EIF3L: variants seen among roughly 807,000 people sequenced by gnomAD.
EIF3L encodes the protein eIEF associated protein HSPC021.
Under a neutral mutation model 74.6 loss-of-function variants are expected in EIF3L, and 32 were observed. The observed-to-expected ratio is 0.43, with a 90% CI of 0.32 to 0.58. The LOEUF (loss-of-function observed/expected upper bound fraction) is 0.58, where lower values mean the gene tolerates loss of function less well. EIF3L is among the 20% of genes least tolerant of loss of function. EIF3L has a pLI of 0.06. For synonymous variants in EIF3L, 256 were observed against 254.4 expected, an observed-to-expected ratio of 1.01 and a Z score of -0.06; for missense variants, 474 against 707.8, an observed-to-expected ratio of 0.67 and a Z score of 3.75.
At chr22:37,854,971 T>C (rs1226527852) in intron 3 of EIF3L, among the ~76,000 whole-genome samples, 1 of 151,946 alleles carries the variant, frequency 6.6e-6, no homozygotes, top group African/African-American at 2.4e-5. Context: ...AACTTGAGCA[T>C]GTTTATATGT....
At chr22:37,856,052 T>A (rs540531132) in intron 4 of EIF3L, among the ~76,000 whole-genome samples, 67 of 146,458 alleles carry the variant, frequency 4.6e-4, no homozygotes, top group African/African-American at 1.7e-3. Context: ...TTATTTATTT[T>A]ATTTTATTAT....
At chr22:37,874,103 T>C (rs1926620277) in intron 8 of EIF3L, among the ~76,000 whole-genome samples, 1 of 152,138 alleles carries the variant, frequency 6.6e-6, no homozygotes, top group African/African-American at 2.4e-5. Context: ...TGTATTTTAC[T>C]GATGAGAGGG....
chr22:37,868,882 T>C (rs1439331653), intron 7 of EIF3L, among the ~76,000 whole-genome samples: 1 of 151,818 alleles, frequency 6.6e-6, no homozygotes, highest in Non-Finnish European at 1.5e-5. Context: ...CCTCAGGTAA[T>C]CCGCCTGCAT....
At chr22:37,858,064 T>C (rs960177181) in intron 4 of EIF3L, among the ~76,000 whole-genome samples, 1 of 151,692 alleles carries the variant, frequency 6.6e-6, no homozygotes, top group African/African-American at 2.4e-5. Context: ...TAGTCCCACC[T>C]ACTCGGGAGG....
At chr22:37,870,375 C>T (rs752231052) in intron 8 of EIF3L, 28 bp downstream of exon 8, 1 of 1,558,700 alleles carries the variant, frequency 6.4e-7, no homozygotes, top group East Asian at 2.3e-5. Context: ...ACAGCCGTGG[C>T]CTGCGAATTT....
intron 7 of EIF3L, among the ~76,000 whole-genome samples, chr22:37,866,800 A>G (rs1039819422): frequency 6.6e-6 from 1 of 152,122 alleles, no homozygotes; most frequent in African/African-American, 2.4e-5. Context: ...AAAACAAAAA[A>G]CAAAAAACAG....
chr22:37,863,179 C>G, intron 6 of EIF3L, 93 bp from the exon 7 acceptor site: 2 of 1,229,946 alleles, frequency 1.6e-6, no homozygotes, highest in Non-Finnish European at 2.3e-6. Context: ...GATTCATGGT[C>G]CTTTTAAGAG....
intron 7 of EIF3L, among the ~76,000 whole-genome samples, chr22:37,867,870 G>A (rs150068185): frequency 6.7e-6 from 1 of 149,748 alleles, no homozygotes; most frequent in Non-Finnish European, 1.5e-5. Flanking sequence ...CAGGAGAATG[G>A]CGTGAACCCA....
At position 37,888,771 on chromosome 22, in the gene EIF3L, C is replaced by G. The variant is rs1361279038; in HGVS notation, c.*307C>G. ...TTATTTTGTGCTTTTGAGATGGAGT[C>G]TCACTCTGTCTCCCAGGCTGGAGTG... is the stretch of plus-strand genomic sequence containing the variant. On this transcript the variant is annotated 3_prime_UTR_variant, in exon 13 of 13. Coordinates refer to ENST00000652021, the MANE Select transcript of EIF3L (RefSeq NM_016091.4). 2 of 321,998 alleles carry G rather than the reference C, an allele frequency of 6.2e-6. No individual in the cohort carries two copies. The highest frequency in any genetic ancestry group is 1.4e-4 in the East Asian group (2 of 14,348). 19.9% of individuals were successfully genotyped at this position (321,998 alleles called of 1,614,324 possible). A position where few individuals can be genotyped will look rare whatever the true frequency, so the allele number is the denominator to read the frequency against.
intron 7 of EIF3L, 36 bp from the exon 8 acceptor site, chr22:37,870,140 A>T (rs1926393726): frequency 1.3e-6 from 2 of 1,550,994 alleles, no homozygotes; most frequent in Non-Finnish European, 1.7e-6. Flanking sequence ...CTTTGGGCTT[A>T]TACCACTACT....
chr22:37,877,302 G>A (rs1048725935), intron 10 of EIF3L: 9 of 192,480 alleles, frequency 4.7e-5, no homozygotes, highest in South Asian at 2.6e-4. Context: ...TGACTGAAAC[G>A]CTGTTGCACG....
At chr22:37,849,865 T>C in intron 1 of EIF3L, 150 bp from the exon 2 acceptor site, 1 of 798,362 alleles carries the variant, frequency 1.3e-6, no homozygotes, top group Non-Finnish European at 2.1e-6. Context: ...ACTGTCCCTT[T>C]TCTCTAAGGC....
chr22:37,873,921 C>A (rs79809733), intron 8 of EIF3L, among the ~76,000 whole-genome samples: 5,874 of 152,220 alleles, frequency 0.039, 179 homozygotes, highest in African/African-American at 0.072. Context: ...ACTACTGGTA[C>A]AATTTTGTGT....
In EIF3L at chr22:37,871,701, C is replaced by T. The variant is rs888745036; in HGVS notation, c.751+1354C>T. Among the ~76,000 whole-genome samples, 13 of 151,904 alleles carry T rather than the reference C, an allele frequency of 8.6e-5. No homozygotes were observed. In the South Asian group the frequency reaches 2.1e-3, roughly 24 times the overall value. On this transcript the variant is annotated intron_variant, in intron 8 of 12. Transcript: ENST00000652021. ...TGGCCAACATGGTGAAACCTCATCT[C>T]TACTAAAAATACAAAAAATTAGCCG...
Position 37,870,220 on chromosome 22 carries a change from AGAG to A in EIF3L, c.631_633del (p.Glu211del). 6.2e-7 allele frequency: 1 copy of A among 1,613,734 alleles called. No homozygotes were observed. Among genetic ancestry groups the A allele is most frequent in the Non-Finnish European group, 8.5e-7 (1 of 1,179,768 alleles). On this transcript the variant is annotated inframe_deletion, in exon 8 of 13. Transcript: ENST00000652021. ...ACCGCTGTAAGACTGCCAAGAAGTC[AGAG>A]GAGGAGATTGACTTTCTTCGTTCCA...
chr22:37,867,954 CAAAAAAAAAAAAAAAAGAA>C (rs1029029427), intron 7 of EIF3L, among the ~76,000 whole-genome samples: 2 of 60,734 alleles, frequency 3.3e-5, no homozygotes, highest in Non-Finnish European at 6.5e-5. Context: ...GACTCCATCT[CAAAAAAAAAAAAAAAAGAA>C]AAAGAAAAAA....
rs1925093777 is a variant in EIF3L, at chr22:37,850,016, C to G, written c.35C>G (p.Ala12Gly). The G allele has an allele frequency of 8.7e-6, 14 of 1,613,660 alleles. No individual in the cohort carries two copies. Among genetic ancestry groups the G allele is most frequent in the Non-Finnish European group, 1.2e-5 (14 of 1,179,774 alleles). Residue 12 changes from alanine (A) to glycine (G), a missense_variant and splice_region_variant, in exon 2 of 13, where the codon GCG (alanine) becomes GGG (glycine). Ala to Gly is a moderately conservative substitution (Grantham distance 60). Coordinates refer to ENST00000652021, the MANE Select transcript of EIF3L (RefSeq NM_016091.4). ...SYPADDYESE[A>G]AYDPYAYPSD... is the part of the protein sequence containing the mutation. ...TTGACTGTGTCTCTTTCCTTCTAGG[C>G]GGCTTATGACCCCTACGCTTATCCC...
chr22:37,869,974 A>T (rs1356938489), intron 7 of EIF3L, among the ~76,000 whole-genome samples: 1 of 152,186 alleles, frequency 6.6e-6, no homozygotes, highest in African/African-American at 2.4e-5. Flanking sequence ...AGTAAGTAAC[A>T]TTCAGTAATG....
chr22:37,880,051 T>TCG (rs1926966137), intron 11 of EIF3L: 1 of 152,196 alleles, frequency 6.6e-6, no homozygotes, highest in Non-Finnish European at 1.5e-5. Context: ...TCCGCCCGCC[T>TCG]CGGCCTCCCA....
Sources: allele counts gnomAD v4.1 joint callset (sites outside exome capture counted in the v4.1 genomes callset), GRCh38; gene constraint gnomAD v4.1.1; transcripts MANE v1.5; gene names NCBI Gene and HGNC (gene_info 2026-07-23, HGNC 2026-07-21).